ZDHHC17: variants seen among roughly 807,000 people sequenced by gnomAD.
ZDHHC17 encodes zDHHC palmitoyltransferase 17, also known as palmitoyltransferase ZDHHC17.
Under a neutral mutation model 90.3 loss-of-function variants are expected in ZDHHC17, and 40 were observed. That is an observed-to-expected ratio of 0.44 (90% CI 0.34 to 0.58). ZDHHC17 has a LOEUF of 0.58. Ranked by LOEUF, ZDHHC17 falls within the 20% of genes least tolerant of loss-of-function variation. The pLI is 0.01. For synonymous variants in ZDHHC17, 235 were observed against 252.4 expected (o/e 0.93, Z 0.65); for missense variants, 614 against 780.8 (o/e 0.79, Z 2.55).
At chr12:76,773,109 C>T (rs959041305) in intron 1 of ZDHHC17, among the ~76,000 whole-genome samples, 8 of 152,162 alleles carry the variant, frequency 5.3e-5, no homozygotes, top group Admixed American at 2.6e-4. Flanking sequence ...CTGTCTGCCT[C>T]GACGTCTCAA....
Position 76,822,524 on chromosome 12 carries a change from C to T in ZDHHC17, c.890C>T (p.Ala297Val). Residue 297 changes from alanine (A) to valine (V), a missense_variant, in exon 8 of 17, where the codon GCT (alanine) becomes GTT (valine). Physicochemically the swap from Ala to Val is moderately conservative, Grantham distance 64. Transcript: ENST00000426126. ...DNPSFLRKLK[A>V]DKEFRQKVML... ...CCGTCCTTCCTTAGAAAGCTGAAAG[C>T]TGATAAGGTAAACTCATAACTGAAG... The T allele has an allele frequency of 6.3e-7, 1 of 1,584,342 alleles. No homozygotes were observed. Among genetic ancestry groups the T allele is most frequent in the Middle Eastern group, 1.7e-4 (1 of 5,966 alleles).
intron 5 of ZDHHC17, among the ~76,000 whole-genome samples, chr12:76,810,579 T>G (rs1163063046): frequency 6.6e-6 from 1 of 152,224 alleles, no homozygotes; most frequent in Non-Finnish European, 1.5e-5. Context: ...ATTTAGAATT[T>G]GAATACTATT....
intron 1 of ZDHHC17, among the ~76,000 whole-genome samples, chr12:76,779,222 T>C (rs868509086): frequency 1.3e-5 from 2 of 152,236 alleles, no homozygotes. Context: ...CACTAGTCAC[T>C]TTGTTGTGAT....
At chr12:76,841,898 T>G in intron 10 of ZDHHC17, 84 bp from the exon 11 acceptor site, 2 of 1,099,102 alleles carry the variant, frequency 1.8e-6, no homozygotes, top group East Asian at 6.5e-5. Context: ...TGGTAGGTGT[T>G]TTGTAAAATT....
At chr12:76,808,480 CT>C (rs1410214835) in intron 3 of ZDHHC17, among the ~76,000 whole-genome samples, 1 of 152,048 alleles carries the variant, frequency 6.6e-6, no homozygotes, top group Non-Finnish European at 1.5e-5. Flanking sequence ...CTCTCTCCCC[CT>C]CTCTCAAAAA....
rs899419904 is a variant in ZDHHC17, at chr12:76,853,092, A to G, written c.*2107A>G. ...TACCATCTTCTTTGTTTGTGGTACA[A>G]TATTTTCAGTGCAAAAGAGATGTCA... is the stretch of plus-strand genomic sequence containing the variant. On this transcript the variant is annotated 3_prime_UTR_variant, in exon 17 of 17. Transcript: ENST00000426126. The G allele has an allele frequency of 2.0e-5, 3 of 152,182 alleles. No homozygotes were observed. The highest frequency in any genetic ancestry group is 1.9e-4 in the East Asian group (1 of 5,198). The allele number at this position is 152,182 out of a possible 1,614,324, so 9.4% of individuals were successfully genotyped here. A position where few individuals can be genotyped will look rare whatever the true frequency, so the allele number is the denominator to read the frequency against.
chr12:76,849,349 A>T, intron 15 of ZDHHC17, 27 bp from the exon 16 acceptor site: 1 of 1,219,622 alleles, frequency 8.2e-7, no homozygotes, highest in Non-Finnish European at 1.1e-6. Flanking sequence ...AAACAAGAAT[A>T]ATGGTTTGCT....
In ZDHHC17 at chr12:76,842,106, G is replaced by A; in HGVS notation, c.1266G>A (p.Lys422=). The part of the protein sequence containing the change: ...IIKATEEQKK[K]TIVELAETGS... ...AAGCAACAGAAGAGCAAAAGAAAAAGGTAGCAAAATACCAACTAAGTCACT... is the reference window on the plus strand; with the variant it reads ...AAGCAACAGAAGAGCAAAAGAAAAAAGTAGCAAAATACCAACTAAGTCACT... Residue 422 remains lysine, a splice_region_variant and synonymous_variant, in exon 11 of 17, where the codon AAG becomes AAA. Coordinates refer to ENST00000426126, the MANE Select transcript of ZDHHC17 (RefSeq NM_015336.4). The A allele has an allele frequency of 1.3e-6, 2 of 1,570,920 alleles. No individual in the cohort carries two copies. Among genetic ancestry groups the A allele is most frequent in the East Asian group, 2.3e-5 (1 of 42,664 alleles).
chr12:76,790,268 G>A (rs1287750408), intron 1 of ZDHHC17, among the ~76,000 whole-genome samples: 3 of 152,106 alleles, frequency 2.0e-5, no homozygotes, highest in Non-Finnish European at 4.4e-5. Context: ...TTGGGAGGCC[G>A]AGGTGGGTGG....
intron 1 of ZDHHC17, among the ~76,000 whole-genome samples, chr12:76,786,043 G>C (rs898578071): frequency 2.6e-5 from 4 of 152,100 alleles, no homozygotes; most frequent in African/African-American, 7.2e-5. Context: ...AAGAAGCATT[G>C]CGACTTGGTG....
At chr12:76,834,686 T>A (rs1484211237) in intron 10 of ZDHHC17, among the ~76,000 whole-genome samples, 1 of 152,234 alleles carries the variant, frequency 6.6e-6, no homozygotes, top group African/African-American at 2.4e-5. Context: ...ATTAAAGATA[T>A]TCTATAATTT....
chr12:76,829,284 C>T (rs934869231), intron 10 of ZDHHC17, among the ~76,000 whole-genome samples: 1 of 151,584 alleles, frequency 6.6e-6, no homozygotes, highest in African/African-American at 2.4e-5. Flanking sequence ...TGGTGAAACC[C>T]CATCTCTACT....
In ZDHHC17 at chr12:76,797,553, T is replaced by C; in HGVS notation, c.197+16T>C. 1 of 1,558,010 alleles carries C rather than the reference T, an allele frequency of 6.4e-7. No individual in the cohort carries two copies. The highest frequency in any genetic ancestry group is 1.2e-5 in the South Asian group (1 of 81,454). On this transcript the variant is annotated intron_variant, in intron 2 of 16. Transcript: ENST00000426126. ...AGGCTACACAGTAAGGTTTTTGTTG[T>C]AGTTGTTTTCTTTGGCATGTGTATT...
At chr12:76,810,071 T>C (rs542181328) in intron 5 of ZDHHC17, among the ~76,000 whole-genome samples, 3 of 152,098 alleles carry the variant, frequency 2.0e-5, no homozygotes, top group Non-Finnish European at 4.4e-5. Flanking sequence ...TGAAGTTGGG[T>C]TTTTTATTTC....
rs1592501953 is a variant in ZDHHC17, at chr12:76,849,289, A to G, written c.1666-87A>G. On this transcript the variant is annotated intron_variant, in intron 15 of 16. Transcript: ENST00000426126. ...GAGGGAGCTGAGAATTCGCCATTGCATTTTAGCCTGGGTGACAGGGCAAGG... is the reference window on the plus strand; with the variant it reads ...GAGGGAGCTGAGAATTCGCCATTGCGTTTTAGCCTGGGTGACAGGGCAAGG... 4 of 682,138 alleles carry G rather than the reference A, an allele frequency of 5.9e-6. No homozygotes were observed. In the South Asian group the frequency reaches 9.1e-5, roughly 16 times the overall value. The allele number at this position is 682,138 out of a possible 1,614,324, so 42.3% of individuals were successfully genotyped here.
At chr12:76,766,847 CTG>C (rs1244831130) in intron 1 of ZDHHC17, among the ~76,000 whole-genome samples, 1 of 151,946 alleles carries the variant, frequency 6.6e-6, no homozygotes, top group Non-Finnish European at 1.5e-5. Flanking sequence ...TGGCAAAACT[CTG>C]TGTCTACAGA....
intron 5 of ZDHHC17, among the ~76,000 whole-genome samples, chr12:76,810,237 C>T (rs929891728): frequency 9.2e-5 from 14 of 152,032 alleles, no homozygotes; most frequent in African/African-American, 3.1e-4. Flanking sequence ...GAGAGGGATA[C>T]ATTTTTTAAG....
intron 2 of ZDHHC17, among the ~76,000 whole-genome samples, chr12:76,803,095 T>G (rs766913174): frequency 7.3e-5 from 11 of 151,560 alleles, no homozygotes; most frequent in Non-Finnish European, 8.8e-5. Flanking sequence ...CTACTAAAAG[T>G]ACAAAAAAAG....
At position 76,851,192 on chromosome 12, in the gene ZDHHC17, A is replaced by G. The variant is rs1953563339; in HGVS notation, c.*207A>G. 1 of 538,886 alleles carries G rather than the reference A, an allele frequency of 1.9e-6. No homozygotes were observed. The highest frequency in any genetic ancestry group is 2.6e-5 in the South Asian group (1 of 38,258). The allele number at this position is 538,886 out of a possible 1,614,324, so 33.4% of individuals were successfully genotyped here. The stretch of plus-strand genomic sequence containing the variant: ...ACTGCCATTTCTGGGAAGAGTAAAG[A>G]TGATAAAAAATAATTTTAATGGTTC... On this transcript the variant is annotated 3_prime_UTR_variant, in exon 17 of 17. Coordinates refer to ENST00000426126, the MANE Select transcript of ZDHHC17 (RefSeq NM_015336.4).
Sources: gnomAD v4.1 joint callset for allele counts (sites outside exome capture counted in the v4.1 genomes callset) on GRCh38, gnomAD v4.1.1 for gene constraint, MANE v1.5 for transcripts, NCBI Gene and HGNC (gene_info 2026-07-23, HGNC 2026-07-21) for gene names.